The following SMG6 variants were observed in gnomAD, a reference collection of about 807,000 sequenced individuals.
SMG6 encodes the protein SMG6 nonsense mediated mRNA decay factor.
SMG6 carries 66 observed loss-of-function variants against 142.2 expected under a neutral mutation model. That is an observed-to-expected ratio of 0.46 (90% CI 0.38 to 0.57). The LOEUF (loss-of-function observed/expected upper bound fraction) is 0.57, where lower values mean the gene tolerates loss of function less well. Ranked by LOEUF, SMG6 falls within the 20% of genes least tolerant of loss-of-function variation. The pLI is 0.00. For missense variants in SMG6, 1,793 were observed against 1,832.0 expected, an observed-to-expected ratio of 0.98 and a Z score of 0.39; for synonymous variants, 779 against 702.4, an observed-to-expected ratio of 1.11 and a Z score of -1.72.
rs753100482 is a variant in SMG6, at chr17:2,298,954, G to A, written c.1799C>T (p.Ser600Phe). 1.2e-6 allele frequency: 2 copies of A among 1,614,134 alleles called. No homozygotes were observed. Among genetic ancestry groups the A allele is most frequent in the East Asian group, 2.2e-5 (1 of 44,878 alleles). ...NQELQLSNLL[S>F]RDRISPEGLE... ...GCCCTCCGGACTGATGCGGTCCCTG[G>A]AGAGCAGGTTGCTGAGCTGCAGTTC... The change falls in exon 2 of 19, where the codon TCC (serine) becomes TTC (phenylalanine). Residue 600 changes from serine (S) to phenylalanine (F), a missense_variant. By Grantham distance (155) the Ser-to-Phe change is radical (BLOSUM62 -2). This residue lies in a region of SMG6 where 1,597 missense variants were observed against 1,584.6 expected (regional missense o/e 1.01). Transcript: ENST00000263073.
chr17:2,174,911 GA>G, intron 12 of SMG6, among the ~76,000 whole-genome samples: 1 of 152,320 alleles, frequency 6.6e-6, no homozygotes, highest in Middle Eastern at 3.4e-3. Context: ...AAAAGGAACT[GA>G]ACTTTCCACG....
At chr17:2,261,055 C>G (rs1312579217) in intron 8 of SMG6, among the ~76,000 whole-genome samples, 2 of 151,590 alleles carry the variant, frequency 1.3e-5, no homozygotes, top group Non-Finnish European at 2.9e-5. Flanking sequence ...GCCTGTAATC[C>G]CAGCACTTTG....
At chr17:2,269,061 G>C (rs761465042) in intron 8 of SMG6, among the ~76,000 whole-genome samples, 1 of 151,810 alleles carries the variant, frequency 6.6e-6, no homozygotes, top group Non-Finnish European at 1.5e-5. Flanking sequence ...AAAATTAGCT[G>C]GGCATGTTGG....
At chr17:2,219,115 T>G (rs537473269) in intron 10 of SMG6, among the ~76,000 whole-genome samples, 2 of 152,230 alleles carry the variant, frequency 1.3e-5, no homozygotes, top group Non-Finnish European at 2.9e-5. Flanking sequence ...CCAGGCACGG[T>G]GGCTCATGCC....
chr17:2,164,910 G>A (rs967648139), intron 13 of SMG6, among the ~76,000 whole-genome samples: 5 of 151,866 alleles, frequency 3.3e-5, no homozygotes, highest in South Asian at 2.1e-4. Flanking sequence ...GTACTCCAGC[G>A]TGGGCGACAG....
chr17:2,082,012 C>A, intron 14 of SMG6, 56 bp from the exon 15 acceptor site: 2 of 1,597,276 alleles, frequency 1.3e-6, no homozygotes, highest in Non-Finnish European at 1.7e-6. Context: ...GGGCCCATGG[C>A]TCTTACTGAA....
At chr17:2,258,612 G>C (rs544520953) in intron 8 of SMG6, among the ~76,000 whole-genome samples, 7 of 118,798 alleles carry the variant, frequency 5.9e-5, no homozygotes, top group African/African-American at 2.4e-4. Context: ...AGACCAGCCT[G>C]GGCAACATAG....
intron 10 of SMG6, among the ~76,000 whole-genome samples, chr17:2,193,464 G>A (rs1489413249): frequency 6.6e-6 from 1 of 152,138 alleles, no homozygotes; most frequent in Admixed American, 6.5e-5. Context: ...AGAAGAAGGT[G>A]GAAGGTAATT....
chr17:2,100,577 T>G (rs1369074770), intron 13 of SMG6, among the ~76,000 whole-genome samples: 1 of 152,238 alleles, frequency 6.6e-6, no homozygotes, highest in Non-Finnish European at 1.5e-5. Flanking sequence ...TGTGTACTTT[T>G]AAACATTTTA....
chr17:2,298,779 T>C (rs1597237244), intron 2 of SMG6, 127 bp downstream of exon 2: 3 of 855,450 alleles, frequency 3.5e-6, no homozygotes, highest in East Asian at 5.0e-5. Flanking sequence ...TGCCCTTCCC[T>C]TACAACGTGA....
At chr17:2,200,274 G>C (rs1424860231) in intron 10 of SMG6, among the ~76,000 whole-genome samples, 2 of 151,820 alleles carry the variant, frequency 1.3e-5, no homozygotes, top group Non-Finnish European at 2.9e-5. Flanking sequence ...TTTTATTTTA[G>C]GTAAACTTTG....
chr17:2,084,946 G>A (rs908913052), intron 14 of SMG6, among the ~76,000 whole-genome samples: 1 of 152,170 alleles, frequency 6.6e-6, no homozygotes, highest in East Asian at 1.9e-4. Context: ...AACCCACAGA[G>A]AGCAGGGAAG....
chr17:2,077,386 G>A (rs549302211), intron 15 of SMG6, among the ~76,000 whole-genome samples: 1 of 152,186 alleles, frequency 6.6e-6, no homozygotes, highest in Non-Finnish European at 1.5e-5. Flanking sequence ...GGGAGACCAG[G>A]GGGGGCTTCA....
Position 2,236,648 on chromosome 17 carries a change from A to G in SMG6, c.2724-11T>C, listed in dbSNP as rs1381421792. 1 of 1,607,558 alleles carries G rather than the reference A, an allele frequency of 6.2e-7. No homozygotes were observed. The highest frequency in any genetic ancestry group is 8.5e-7 in the Non-Finnish European group (1 of 1,176,620). ...GGGAATGTCTCCATCCTGCAGATTC[A>G]GAAAACCCATCAATGAGGCACCTCT... On this transcript the variant is annotated splice_polypyrimidine_tract_variant and intron_variant, in intron 9 of 18. Coordinates refer to ENST00000263073, the MANE Select transcript of SMG6 (RefSeq NM_017575.5).
At chr17:2,154,134 T>C (rs2070925509) in intron 13 of SMG6, among the ~76,000 whole-genome samples, 1 of 131,606 alleles carries the variant, frequency 7.6e-6, no homozygotes, top group Admixed American at 8.1e-5. Context: ...GGGATGCATG[T>C]AGAGTGTGAC....
At chr17:2,090,967 C>T (rs2068700342) in intron 13 of SMG6, among the ~76,000 whole-genome samples, 2 of 152,192 alleles carry the variant, frequency 1.3e-5, no homozygotes, top group South Asian at 2.1e-4. Flanking sequence ...AAAATACAGG[C>T]TGCTTGGCTG....
At chr17:2,249,105 G>T (rs1378325592) in intron 8 of SMG6, among the ~76,000 whole-genome samples, 1 of 151,584 alleles carries the variant, frequency 6.6e-6, no homozygotes, top group Non-Finnish European at 1.5e-5. Context: ...GTGTTAGCCA[G>T]GATGGTCTCA....
At position 2,242,689 on chromosome 17, in the gene SMG6, T is replaced by TAAAAAAA. The variant is rs57079220; in HGVS notation, c.2723+1962_2723+1968dup. On this transcript the variant is annotated intron_variant, in intron 9 of 18. Coordinates refer to ENST00000263073, the MANE Select transcript of SMG6 (RefSeq NM_017575.5). ...GTAACACAGACAGGCTCCATCTCTT[T>TAAAAAAA]AAAAAAAAAAAAAAAAAAAAAAAAA... is the stretch of plus-strand genomic sequence containing the variant. 3.8e-3 allele frequency among the ~76,000 whole-genome samples: 215 copies of TAAAAAAA among 55,850 alleles called. 5 individuals carry two copies. Among genetic ancestry groups the TAAAAAAA allele is most frequent in the East Asian group, 0.021 (41 of 1,956 alleles). The allele number at this position is 55,850 out of a possible 152,430, so 36.6% of individuals were successfully genotyped here.
chr17:2,251,714 T>C (rs565264011), intron 8 of SMG6, among the ~76,000 whole-genome samples: 2 of 152,138 alleles, frequency 1.3e-5, no homozygotes, highest in South Asian at 2.1e-4. Flanking sequence ...GCTAAATCAG[T>C]AGGCAGCTCC....
Sources: allele counts gnomAD v4.1 joint callset (sites outside exome capture counted in the v4.1 genomes callset), GRCh38; gene constraint gnomAD v4.1.1; regional missense constraint gnomAD v4.1.1; transcripts MANE v1.5; gene names NCBI Gene and HGNC (gene_info 2026-07-23, HGNC 2026-07-21).